MGAT4C: variants seen among roughly 807,000 people sequenced by gnomAD.
MGAT4C encodes the protein MGAT4 family member C, also known as alpha-1,3-mannosyl-glycoprotein 4-beta-N-acetylglucosaminyltransferase C.
MGAT4C carries 19 observed loss-of-function variants against 40.1 expected under a neutral mutation model. The ratio of observed to expected loss-of-function variants is 0.47; its 90% CI spans 0.33 to 0.70. The LOEUF (loss-of-function observed/expected upper bound fraction) is 0.70. Ranked by LOEUF, MGAT4C falls within the 30% of genes least tolerant of loss-of-function variation. The pLI, the probability that MGAT4C is intolerant of heterozygous loss-of-function variation, is 0.02. For missense variants in MGAT4C, 491 were observed against 563.2 expected (o/e 0.87, Z 1.30); for synonymous variants, 181 against 187.1 (o/e 0.97, Z 0.27).
rs1883982974 is a variant in MGAT4C, at chr12:85,976,363, T to A, written c.*2926A>T. The stretch of plus-strand genomic sequence containing the variant: ...TTTATGTATCTTTTATATTGACATT[T>A]GTGATTGCCACTAAAATGTGTATTT... On this transcript the variant is annotated 3_prime_UTR_variant, in exon 5 of 5. Coordinates refer to ENST00000611864, the MANE Select transcript of MGAT4C (RefSeq NM_001351288.2). 6.6e-6 allele frequency: 1 copy of A among 151,040 alleles called. No homozygotes were observed. The highest frequency in any genetic ancestry group is 1.5e-5 in the Non-Finnish European group (1 of 67,238). 9.4% of individuals were successfully genotyped at this position (151,040 alleles called of 1,614,324 possible). A position where few individuals can be genotyped will look rare whatever the true frequency, so the allele number is the denominator to read the frequency against.
At chr12:85,986,634 T>C (rs1485383023) in intron 3 of MGAT4C, among the ~76,000 whole-genome samples, 1 of 152,134 alleles carries the variant, frequency 6.6e-6, no homozygotes, top group Non-Finnish European at 1.5e-5. Flanking sequence ...TCACCTGATA[T>C]CTCTAAGTTA....
chr12:86,530,034 AATTT>A (rs1162992128), intron 2 of MGAT4C, among the ~76,000 whole-genome samples: 1 of 151,852 alleles, frequency 6.6e-6, no homozygotes, highest in Admixed American at 6.6e-5. Flanking sequence ...TATCTTTTTT[AATTT>A]ATTTAGTTTT....
chr12:86,506,188 C>T (rs541494553), intron 2 of MGAT4C, among the ~76,000 whole-genome samples: 11 of 152,208 alleles, frequency 7.2e-5, no homozygotes, highest in East Asian at 1.9e-4. Context: ...TGTGATTAAA[C>T]GAAAATTCAT....
chr12:86,516,571 T>C (rs1958690774), intron 2 of MGAT4C, among the ~76,000 whole-genome samples: 1 of 152,120 alleles, frequency 6.6e-6, no homozygotes, highest in African/African-American at 2.4e-5. Context: ...ATTTTTTTTC[T>C]AATATGAGAC....
intron 1 of MGAT4C, among the ~76,000 whole-genome samples, chr12:86,813,673 A>C (rs1426455930): frequency 6.6e-6 from 1 of 152,044 alleles, no homozygotes; most frequent in East Asian, 1.9e-4. Context: ...CTTAGGTTTT[A>C]ACACTTTACA....
chr12:86,800,869 A>T (rs984007535), intron 1 of MGAT4C, among the ~76,000 whole-genome samples: 2 of 151,810 alleles, frequency 1.3e-5, no homozygotes, highest in African/African-American at 4.8e-5. Context: ...GCCTTACCCA[A>T]TTTTAGGAAG....
At chr12:86,646,589 G>A (rs1001674430) in intron 2 of MGAT4C, among the ~76,000 whole-genome samples, 1 of 151,668 alleles carries the variant, frequency 6.6e-6, no homozygotes, top group Non-Finnish European at 1.5e-5. Context: ...CATTTTATGC[G>A]GCCCTGGCTA....
intron 2 of MGAT4C, among the ~76,000 whole-genome samples, chr12:86,612,881 T>G (rs1024479433): frequency 6.6e-6 from 1 of 152,114 alleles, no homozygotes; most frequent in East Asian, 1.9e-4. Flanking sequence ...TAAAAAGCTC[T>G]CATGTAACTG....
chr12:86,322,693 G>T (rs1397374671), intron 4 of MGAT4C, among the ~76,000 whole-genome samples: 2 of 151,928 alleles, frequency 1.3e-5, no homozygotes, highest in East Asian at 3.9e-4. Flanking sequence ...CAATTTAGTT[G>T]CTTTGACTTG....
At chr12:86,704,786 T>G (rs1950426228) in intron 2 of MGAT4C, among the ~76,000 whole-genome samples, 1 of 152,174 alleles carries the variant, frequency 6.6e-6, no homozygotes, top group African/African-American at 2.4e-5. Flanking sequence ...TGAAGGAGTG[T>G]AACACATGAT....
chr12:86,461,243 T>TTC (rs1957595518), intron 2 of MGAT4C, among the ~76,000 whole-genome samples: 1 of 145,770 alleles, frequency 6.9e-6, no homozygotes, highest in African/African-American at 2.6e-5. Context: ...CTTCTTTTTT[T>TTC]TTTTTTTTTT....
At chr12:86,654,576 T>C (rs1406935131) in intron 2 of MGAT4C, among the ~76,000 whole-genome samples, 1 of 152,010 alleles carries the variant, frequency 6.6e-6, no homozygotes, top group African/African-American at 2.4e-5. Flanking sequence ...AGTTAGTGTG[T>C]TTAATATCCA....
chr12:86,632,386 AC>A (rs1321328134), intron 2 of MGAT4C, among the ~76,000 whole-genome samples: 1 of 152,064 alleles, frequency 6.6e-6, no homozygotes, highest in Non-Finnish European at 1.5e-5. Flanking sequence ...TACCATTTGA[AC>A]CAGCCATCCC....
At chr12:85,991,037 G>A (rs1885858329) in intron 2 of MGAT4C, among the ~76,000 whole-genome samples, 3 of 152,130 alleles carry the variant, frequency 2.0e-5, no homozygotes, top group African/African-American at 7.2e-5. Context: ...GAAGAATGAG[G>A]TATTCAGACA....
intron 2 of MGAT4C, among the ~76,000 whole-genome samples, chr12:86,008,789 G>A (rs1476317491): frequency 2.0e-5 from 3 of 151,984 alleles, no homozygotes. Flanking sequence ...TTCTATTCCT[G>A]GATTGATAAG....
intron 3 of MGAT4C, among the ~76,000 whole-genome samples, chr12:86,375,204 T>C (rs1160179596): frequency 6.6e-6 from 1 of 152,106 alleles, no homozygotes; most frequent in Non-Finnish European, 1.5e-5. Flanking sequence ...TTTTGCATCT[T>C]GAAAGAGATA....
chr12:86,810,692 C>T (rs1039986701), intron 1 of MGAT4C, among the ~76,000 whole-genome samples: 1 of 151,150 alleles, frequency 6.6e-6, no homozygotes, highest in Non-Finnish European at 1.5e-5. Flanking sequence ...TGATCATGGC[C>T]TATAATTATT....
At chr12:86,166,902 C>A (rs1217253595) in intron 1 of MGAT4C, among the ~76,000 whole-genome samples, 2 of 152,024 alleles carry the variant, frequency 1.3e-5, no homozygotes, top group African/African-American at 4.8e-5. Context: ...AAAAGACAGC[C>A]AACTTGAAAT....
chr12:86,284,761 A>C (rs1953308187), intron 4 of MGAT4C, among the ~76,000 whole-genome samples: 1 of 152,026 alleles, frequency 6.6e-6, no homozygotes, highest in South Asian at 2.1e-4. Context: ...TCTGCTAATT[A>C]GAGTTCCATG....
Sources: allele counts gnomAD v4.1 joint callset (sites outside exome capture counted in the v4.1 genomes callset), GRCh38; gene constraint gnomAD v4.1.1; transcripts MANE v1.5; gene names NCBI Gene and HGNC (gene_info 2026-07-23, HGNC 2026-07-21).